Variants in PRDM16 observed in about 807,000 individuals in gnomAD.
PRDM16 encodes PR/SET domain 16.
PRDM16 carries 23 observed loss-of-function variants against 110.6 expected under a neutral mutation model. That is an observed-to-expected ratio of 0.21 (90% CI 0.15 to 0.29). PRDM16 has a LOEUF of 0.29. Among genes scored for constraint, PRDM16 ranks in the 10% least tolerant of loss-of-function variants. The probability of loss-of-function intolerance (pLI) is 1.00; values close to 1 mark genes in which losing one functional copy is unlikely to be tolerated. For missense variants in PRDM16, 1,615 were observed against 1,794.3 expected, an observed-to-expected ratio of 0.90 and a Z score of 1.81; for synonymous variants, 799 against 781.8, an observed-to-expected ratio of 1.02 and a Z score of -0.37.
intron 1 of PRDM16, among the ~76,000 whole-genome samples, chr1:3,087,602 G>A (rs1196891045): frequency 6.6e-6 from 1 of 152,114 alleles, no homozygotes; most frequent in African/African-American, 2.4e-5. Context: ...TTCCCTATCC[G>A]CAGATGCATT....
intron 3 of PRDM16, among the ~76,000 whole-genome samples, chr1:3,267,544 C>T (rs1394843216): frequency 1.3e-5 from 2 of 152,186 alleles, no homozygotes; most frequent in African/African-American, 4.8e-5. Context: ...CACAATAACG[C>T]TATGTCTCAC....
In PRDM16 at chr1:3,359,493, C is replaced by T. The variant is rs563948867; in HGVS notation, c.439-25659C>T. Among the ~76,000 whole-genome samples, 75 of 152,160 alleles carry T rather than the reference C, an allele frequency of 4.9e-4. No individual in the cohort carries two copies. The highest frequency in any genetic ancestry group is 1.5e-3 in the African/African-American group (64 of 41,526). ...AAAAAGCACAAAGCAGCAAGAATTG[C>T]GGCCCGGGAGCAGTGGCTGCAGCCT... On this transcript the variant is annotated intron_variant, in intron 3 of 16. Transcript: ENST00000270722. The surrounding 1 kb of genome is among the most constrained non-coding windows in gnomAD (Gnocchi z 4.3).
In PRDM16 at chr1:3,069,428, GC is replaced by G. The variant is rs1435994813; in HGVS notation, c.37+135del. 1 of 148,858 alleles carries G rather than the reference GC, an allele frequency of 6.7e-6. No homozygotes were observed. Among genetic ancestry groups the G allele is most frequent in the African/African-American group, 2.5e-5 (1 of 40,180 alleles). The allele number at this position is 148,858 out of a possible 1,614,324, so 9.2% of individuals were successfully genotyped here. A position where few individuals can be genotyped will look rare whatever the true frequency, so the allele number is the denominator to read the frequency against. ...TCCGGGCCCCCGGCTCGGCCGCGCG[GC>G]CCGGGGGGCTGCTCCGCCTCCCGCG... On this transcript the variant is annotated intron_variant, in intron 1 of 16. Transcript: ENST00000270722. This position sits in a 1 kb window ranked among gnomAD's most constrained non-coding sequence, Gnocchi z 6.1.
intron 5 of PRDM16, among the ~76,000 whole-genome samples, chr1:3,402,546 C>A (rs1397961512): frequency 6.6e-6 from 1 of 152,222 alleles, no homozygotes; most frequent in Non-Finnish European, 1.5e-5. Flanking sequence ...GGGGCTCCCT[C>A]TGAGGCACAG....
chr1:3,192,386 G>A (rs1638335163), intron 2 of PRDM16, among the ~76,000 whole-genome samples: 2 of 152,196 alleles, frequency 1.3e-5, no homozygotes, highest in African/African-American at 4.8e-5. Flanking sequence ...CTGGATTAAT[G>A]ACCAGGCTCA....
At chr1:3,227,858 C>T (rs1639325587) in intron 2 of PRDM16, among the ~76,000 whole-genome samples, 1 of 152,318 alleles carries the variant, frequency 6.6e-6, no homozygotes, top group Non-Finnish European at 1.5e-5. Flanking sequence ...GCTGGGCAGC[C>T]AGGGGCTTTA....
chr1:3,225,838 G>C (rs527804549), intron 2 of PRDM16, among the ~76,000 whole-genome samples: 1 of 152,328 alleles, frequency 6.6e-6, no homozygotes, highest in South Asian at 2.1e-4. Context: ...TCCTGGGGAC[G>C]GAGCCGCCGG....
At chr1:3,188,889 G>A (rs1022195629) in intron 2 of PRDM16, among the ~76,000 whole-genome samples, 4 of 152,220 alleles carry the variant, frequency 2.6e-5, no homozygotes, top group Non-Finnish European at 4.4e-5. Context: ...AATGATGTCC[G>A]TCAATCAAGG....
chr1:3,274,509 G>A (rs1319657718), intron 3 of PRDM16, among the ~76,000 whole-genome samples: 1 of 152,186 alleles, frequency 6.6e-6, no homozygotes, highest in Non-Finnish European at 1.5e-5. Flanking sequence ...GTTCTGAAAG[G>A]GCCCCAGCGT....
intron 12 of PRDM16, chr1:3,424,847 C>G (rs9783107): frequency 1.3e-5 from 2 of 152,282 alleles, no homozygotes; most frequent in African/African-American, 4.8e-5. Context: ...CTGGCCTTGC[C>G]GAGTGTCTTT....
intron 1 of PRDM16, among the ~76,000 whole-genome samples, chr1:3,109,854 G>A (rs1358542683): frequency 1.3e-5 from 2 of 152,242 alleles, no homozygotes; most frequent in Non-Finnish European, 2.9e-5. Context: ...CATTTGTGTT[G>A]GATATGGGCT....
chr1:3,430,687 C>A (rs1379463198), intron 14 of PRDM16, among the ~76,000 whole-genome samples, 185 bp from the exon 15 acceptor site: 2 of 152,228 alleles, frequency 1.3e-5, no homozygotes, highest in Non-Finnish European at 2.9e-5. Context: ...CGCCCCCAGG[C>A]CTCCGTGCCT....
At chr1:3,348,367 C>T (rs1249499176) in intron 3 of PRDM16, among the ~76,000 whole-genome samples, 2 of 152,198 alleles carry the variant, frequency 1.3e-5, no homozygotes, top group Admixed American at 6.5e-5. Context: ...CGTTAGTATT[C>T]GTGTGCTAGG....
chr1:3,355,194 G>T (rs906236861), intron 3 of PRDM16, among the ~76,000 whole-genome samples: 1 of 152,210 alleles, frequency 6.6e-6, no homozygotes, highest in Non-Finnish European at 1.5e-5. Flanking sequence ...CGAGCTCCAG[G>T]CTCTGCAGCT....
At chr1:3,274,703 T>C (rs908990964) in intron 3 of PRDM16, among the ~76,000 whole-genome samples, 1 of 152,244 alleles carries the variant, frequency 6.6e-6, no homozygotes, top group Admixed American at 6.5e-5. Flanking sequence ...AGACTCTGTC[T>C]GCACAAAGTC....
rs1179816507 is a variant in PRDM16, at chr1:3,437,777, GGCA to G, written c.*3969_*3971del. On this transcript the variant is annotated 3_prime_UTR_variant, in exon 17 of 17. Coordinates refer to ENST00000270722, the MANE Select transcript of PRDM16 (RefSeq NM_022114.4). ...AAAATAAATAAATAAATAAATAAAA[GGCA>G]GCTTGAGTTTCCAAACGTGTGATTC... The G allele has an allele frequency of 4.6e-6, 1 of 218,512 alleles. No homozygotes were observed. Among genetic ancestry groups the G allele is most frequent in the African/African-American group, 2.2e-5 (1 of 44,452 alleles). 13.5% of individuals were successfully genotyped at this position (218,512 alleles called of 1,614,324 possible). A position where few individuals can be genotyped will look rare whatever the true frequency, so the allele number is the denominator to read the frequency against.
rs749348281 is a variant in PRDM16, at chr1:3,405,524, G to A, written c.1062G>A (p.Arg354=). Residue 354 remains arginine, a synonymous_variant, in exon 8 of 17, where the codon CGG becomes CGA. Transcript: ENST00000270722. ...KVFTDPSNLQ[R]HIRSQHVGAR... ...TCACGGACCCCAGCAACCTTCAGCGGCACATCCGCTCGCAGCACGTGGGCG... is the reference window on the plus strand; with the variant it reads ...TCACGGACCCCAGCAACCTTCAGCGACACATCCGCTCGCAGCACGTGGGCG... The A allele has an allele frequency of 1.1e-5, 17 of 1,599,228 alleles. No individual in the cohort carries two copies. Among genetic ancestry groups the A allele is most frequent in the Admixed American group, 5.2e-5 (3 of 57,848 alleles).
intron 3 of PRDM16, among the ~76,000 whole-genome samples, chr1:3,250,770 C>T (rs72848047): frequency 0.011 from 1,619 of 152,288 alleles, 28 homozygotes; most frequent in African/African-American, 0.037. Context: ...CATGGGGGGA[C>T]GTGAGAGTTT....
At chr1:3,322,306 A>G (rs1641776868) in intron 3 of PRDM16, among the ~76,000 whole-genome samples, 1 of 152,164 alleles carries the variant, frequency 6.6e-6, no homozygotes, top group Admixed American at 6.5e-5. Context: ...GAGGGGAAAC[A>G]GGCCCGGAAT....
Sources: allele counts gnomAD v4.1 joint callset (sites outside exome capture counted in the v4.1 genomes callset), GRCh38; gene constraint gnomAD v4.1.1; non-coding constraint Gnocchi (gnomAD v3.1); transcripts MANE v1.5; gene names NCBI Gene and HGNC (gene_info 2026-07-23, HGNC 2026-07-21).